Variants in ULK2 observed in about 807,000 individuals in gnomAD.
ULK2 encodes the protein unc-51 like autophagy activating kinase 2, also known as serine/threonine-protein kinase ULK2.
A neutral mutation model predicts 127.5 loss-of-function variants in ULK2; 76 were observed. The ratio of observed to expected loss-of-function variants is 0.60; its 90% CI spans 0.50 to 0.72. The LOEUF is 0.72. Among genes scored for constraint, ULK2 ranks in the 30% least tolerant of loss-of-function variants. The probability of loss-of-function intolerance (pLI) is 0.00; values close to 1 mark genes in which losing one functional copy is unlikely to be tolerated. For missense variants in ULK2, 1,144 were observed against 1,295.9 expected, an observed-to-expected ratio of 0.88 and a Z score of 1.80; for synonymous variants, 452 against 461.9, an observed-to-expected ratio of 0.98 and a Z score of 0.28.
At position 19,841,668 on chromosome 17, in the gene ULK2, A is replaced by G; in HGVS notation, c.646-121T>C. 5.9e-6 allele frequency: 4 copies of G among 674,240 alleles called. No individual in the cohort carries two copies. In the South Asian group the frequency reaches 8.5e-5, roughly 14 times the overall value. 41.8% of individuals were successfully genotyped at this position (674,240 alleles called of 1,614,324 possible). Reference sequence around the variant, plus strand: ...AGGGAGTGGGAGTTTCAAGGAAGGGACTGCTGACAGGAAAGGAGGGAAAGT... The same window carrying G: ...AGGGAGTGGGAGTTTCAAGGAAGGGGCTGCTGACAGGAAAGGAGGGAAAGT... On this transcript the variant is annotated intron_variant, in intron 8 of 26. Transcript: ENST00000395544.
In ULK2 at chr17:19,867,461, T is replaced by TGCGGCGCAGGTATCAGCACC. The variant is rs2042379305; in HGVS notation, c.-64_-45dup. Reference sequence around the variant, plus strand: ...CACAGCGGACGGGCGGGCGGCGCAGTGCGGCGCAGGTATCAGCACCGCGGC... The same window carrying TGCGGCGCAGGTATCAGCACC: ...CACAGCGGACGGGCGGGCGGCGCAGTGCGGCGCAGGTATCAGCACCGCGGCGCAGGTATCAGCACCGCGGC... On this transcript the variant is annotated 5_prime_UTR_variant, in exon 1 of 27. Transcript: ENST00000395544. 1.9e-6 allele frequency: 3 copies of TGCGGCGCAGGTATCAGCACC among 1,542,172 alleles called. No individual in the cohort carries two copies. The highest frequency in any genetic ancestry group is 3.7e-5 in the Admixed American group (2 of 54,132).
intron 15 of ULK2, among the ~76,000 whole-genome samples, chr17:19,804,384 A>C (rs1316819564): frequency 1.3e-5 from 2 of 152,052 alleles, no homozygotes; most frequent in East Asian, 3.9e-4. Flanking sequence ...GTGGGATTTC[A>C]TTTTTTAATA....
At chr17:19,825,038 G>A in intron 12 of ULK2, 56 bp downstream of exon 12, 1 of 1,477,728 alleles carries the variant, frequency 6.8e-7, no homozygotes, top group South Asian at 1.2e-5. Context: ...TGCTCCATTT[G>A]AGAAAAGATG....
In ULK2 at chr17:19,797,747, TAAG is replaced by T. The variant is rs983346879; in HGVS notation, c.1523-68_1523-66del. The T allele has an allele frequency of 4.1e-5, 54 of 1,327,716 alleles. No individual in the cohort carries two copies. In the Admixed American group the frequency reaches 5.0e-4, roughly 12 times the overall value. The allele number at this position is 1,327,716 out of a possible 1,614,324, so 82.2% of individuals were successfully genotyped here. On this transcript the variant is annotated intron_variant, in intron 17 of 26. Coordinates refer to ENST00000395544, the MANE Select transcript of ULK2 (RefSeq NM_014683.4). The stretch of plus-strand genomic sequence containing the variant: ...AAGTGCAGTGCAAAAATGTAAAAAT[TAAG>T]AAGACAATTTTTAAAATGAGAATTC...
chr17:19,864,925 T>C (rs2042321517), intron 2 of ULK2, 81 bp from the exon 3 acceptor site: 1 of 581,156 alleles, frequency 1.7e-6, no homozygotes, highest in Non-Finnish European at 2.7e-6. Context: ...AAAATTAAAG[T>C]ATACACATAC....
At chr17:19,860,519 T>C (rs1374037906) in intron 3 of ULK2, among the ~76,000 whole-genome samples, 1 of 151,574 alleles carries the variant, frequency 6.6e-6, no homozygotes, top group Non-Finnish European at 1.5e-5. Flanking sequence ...ATTTGATTAA[T>C]ACCTCTTTTT....
rs1567696605 is a variant in ULK2, at chr17:19,814,445, T to TG, written c.1096+2303_1096+2304insC. Among the ~76,000 whole-genome samples the TG allele has an allele frequency of 7.1e-4, 18 of 25,398 alleles. 2 individuals carry two copies. In the South Asian group the frequency reaches 0.012, roughly 16 times the overall value. The allele number at this position is 25,398 out of a possible 152,430, so 16.7% of individuals were successfully genotyped here. ...ATATATATATATATATATATTTTTT[T>TG]TTTTTTTTTTTTTTTTTTGGAGACA... On this transcript the variant is annotated intron_variant, in intron 13 of 26. Coordinates refer to ENST00000395544, the MANE Select transcript of ULK2 (RefSeq NM_014683.4).
chr17:19,812,199 T>C (rs549174822), intron 13 of ULK2, among the ~76,000 whole-genome samples: 90 of 152,320 alleles, frequency 5.9e-4, no homozygotes, highest in Non-Finnish European at 9.4e-4. Context: ...GCAGGATTGA[T>C]TGAAAGTCTA....
intron 3 of ULK2, among the ~76,000 whole-genome samples, chr17:19,856,556 T>C (rs1170035914): frequency 4.0e-5 from 6 of 151,586 alleles, no homozygotes; most frequent in Admixed American, 2.0e-4. Flanking sequence ...CACTCTAGCC[T>C]GGGCGACAGA....
At chr17:19,830,618 T>TAAAAAA (rs3866960) in intron 10 of ULK2, among the ~76,000 whole-genome samples, 2 of 138,692 alleles carry the variant, frequency 1.4e-5, no homozygotes, top group Non-Finnish European at 3.1e-5. Flanking sequence ...TGAGATTGTT[T>TAAAAAA]AAAAAAAAAA....
At chr17:19,837,848 C>T (rs1307942119) in intron 10 of ULK2, among the ~76,000 whole-genome samples, 2 of 152,224 alleles carry the variant, frequency 1.3e-5, no homozygotes, top group Non-Finnish European at 2.9e-5. Context: ...TTCTGCTCTT[C>T]CCCTTACATG....
At position 19,836,216 on chromosome 17, in the gene ULK2, C is replaced by CT. The variant is rs948057804; in HGVS notation, c.787+2284dup. 7.9e-5 allele frequency among the ~76,000 whole-genome samples: 12 copies of CT among 151,850 alleles called. No individual in the cohort carries two copies. The South Asian group carries it at 1.7e-3, about 21-fold the overall frequency. On this transcript the variant is annotated intron_variant, in intron 10 of 26. Transcript: ENST00000395544. ...ATGAGGTCAGGAGTTCAAGATCAGC[C>CT]TGACCAACATGGTGAAACCCCATCT...
intron 26 of ULK2, 90 bp from the exon 27 acceptor site, chr17:19,776,497 C>A: frequency 8.6e-7 from 1 of 1,161,902 alleles, no homozygotes; most frequent in South Asian, 1.6e-5. Context: ...GTTAACAGTT[C>A]TGAATATGTT....
At chr17:19,867,191 G>A (rs1484055188) in intron 1 of ULK2, 137 bp downstream of exon 1, 9 of 631,712 alleles carry the variant, frequency 1.4e-5, no homozygotes, top group Admixed American at 8.0e-5. Context: ...CAAACGGCGA[G>A]ACGGGCTGCG....
intron 4 of ULK2, 37 bp downstream of exon 4, chr17:19,849,705 T>C (rs1567723289): frequency 1.4e-6 from 2 of 1,394,354 alleles, no homozygotes; most frequent in Admixed American, 5.2e-5. Flanking sequence ...AAAAAGAAAT[T>C]TGAAATAAAT....
chr17:19,784,355 T>C (rs916408966), intron 21 of ULK2, among the ~76,000 whole-genome samples: 2 of 152,030 alleles, frequency 1.3e-5, no homozygotes, highest in African/African-American at 4.8e-5. Flanking sequence ...AATAATTTCT[T>C]TGTGATAAAT....
chr17:19,865,221 C>T (rs2042327756), intron 2 of ULK2, among the ~76,000 whole-genome samples: 2 of 152,170 alleles, frequency 1.3e-5, no homozygotes, highest in South Asian at 4.1e-4. Flanking sequence ...GAGCCATAGG[C>T]TTTGTGACTC....
rs1166685786 is a variant in ULK2, at chr17:19,841,492, G to C, written c.701C>G (p.Pro234Arg). The change falls in exon 9 of 27, where the codon CCT (proline) becomes CGT (arginine). Residue 234 changes from proline (P) to arginine (R), a missense_variant. Around this residue, in one of 2 missense-constraint regions of ULK2, gnomAD observed 231 missense variants for 325.4 expected, o/e 0.71. Transcript: ENST00000395544. ...MFYEKNRSLM[P>R]SIPRETSPYL... ...CCAGTGTAATCTAAACACATACCTA[G>C]GCATTAAGCTCCTGTTTTTTTCATA... The C allele has an allele frequency of 6.3e-7, 1 of 1,590,442 alleles. No homozygotes were observed. Among genetic ancestry groups the C allele is most frequent in the Non-Finnish European group, 8.5e-7 (1 of 1,173,342 alleles).
chr17:19,837,354 A>T (rs774427287), intron 10 of ULK2, among the ~76,000 whole-genome samples: 25 of 151,354 alleles, frequency 1.7e-4, no homozygotes, highest in Non-Finnish European at 2.4e-4. Context: ...TGGGAAAGTC[A>T]AGGCTGCAGT....
Sources: allele counts gnomAD v4.1 joint callset (sites outside exome capture counted in the v4.1 genomes callset), GRCh38; gene constraint gnomAD v4.1.1; regional missense constraint gnomAD v4.1.1; transcripts MANE v1.5; gene names NCBI Gene and HGNC (gene_info 2026-07-23, HGNC 2026-07-21).